GPR89A: variants seen among roughly 807,000 people sequenced by gnomAD.
GPR89A encodes golgi pH regulator A.
Under a neutral mutation model 52.0 loss-of-function variants are expected in GPR89A, and 16 were observed. The observed-to-expected ratio is 0.31, with a 90% CI of 0.21 to 0.47. GPR89A has a LOEUF of 0.47. Among genes scored for constraint, GPR89A ranks in the 20% least tolerant of loss-of-function variants. The pLI, the probability that GPR89A is intolerant of heterozygous loss-of-function variation, is 1.00. For synonymous variants in GPR89A, 55 were observed against 150.9 expected (o/e 0.36, Z 4.66); for missense variants, 135 against 449.4 (o/e 0.30, Z 6.33).
chr1:145,659,849 A>G (rs1199567940), intron 10 of GPR89A, among the ~76,000 whole-genome samples: 6 of 138,618 alleles, frequency 4.3e-5, no homozygotes, highest in Non-Finnish European at 7.7e-5. Flanking sequence ...TTGAATCTAT[A>G]AATTACCTTG....
intron 10 of GPR89A, among the ~76,000 whole-genome samples, chr1:145,648,650 T>A (rs1351348021): frequency 6.6e-6 from 1 of 151,740 alleles, no homozygotes; most frequent in East Asian, 1.9e-4. Flanking sequence ...CAGCTAACTT[T>A]TTTGTATTTC....
chr1:145,667,684 C>A (rs61813308), intron 12 of GPR89A, among the ~76,000 whole-genome samples: 1 of 152,138 alleles, frequency 6.6e-6, no homozygotes, highest in Non-Finnish European at 1.5e-5. Context: ...AGGTTTTCTT[C>A]TAGGGTTTTT....
rs1158891392 is a variant in GPR89A at position 145,608,016 on chromosome 1, C to A, written c.-118C>A. Reference sequence around the variant, plus strand: ...GCTTGATGGCGTCGGGCTGGAGAGCCGCAGTCCCGGCTGCAGCACCTGGGA... The same window carrying A: ...GCTTGATGGCGTCGGGCTGGAGAGCAGCAGTCCCGGCTGCAGCACCTGGGA... On this transcript the variant is annotated 5_prime_UTR_variant, in exon 1 of 14. Coordinates refer to ENST00000313835, the MANE Select transcript of GPR89A (RefSeq NM_001097612.2). 8.4e-7 allele frequency: 1 copy of A among 1,196,760 alleles called. No individual in the cohort carries two copies. Among genetic ancestry groups the A allele is most frequent in the Non-Finnish European group, 1.2e-6 (1 of 836,406 alleles). 74.1% of individuals were successfully genotyped at this position (1,196,760 alleles called of 1,614,324 possible). A position where few individuals can be genotyped will look rare whatever the true frequency, so the allele number is the denominator to read the frequency against.
chr1:145,616,529 A>G (rs1441382785), intron 2 of GPR89A, among the ~76,000 whole-genome samples: 3 of 152,228 alleles, frequency 2.0e-5, no homozygotes, highest in South Asian at 4.2e-4. Context: ...TAGTCATATC[A>G]GGATATGTAC....
Position 145,635,049 on chromosome 1 carries a change from C to T in GPR89A, c.617+3305C>T, listed in dbSNP as rs1650129738. Among the ~76,000 whole-genome samples, 3 of 152,328 alleles carry T rather than the reference C, an allele frequency of 2.0e-5. No homozygotes were observed. In the South Asian group the frequency reaches 6.2e-4, roughly 32 times the overall value. ...GTATTTTCACATTTCATATTTCCTCCTTCAACACTTTTCTGTAGTAAGACC... is the reference window on the plus strand; with the variant it reads ...GTATTTTCACATTTCATATTTCCTCTTTCAACACTTTTCTGTAGTAAGACC... On this transcript the variant is annotated intron_variant, in intron 7 of 13. Transcript: ENST00000313835.
chr1:145,617,864 T>C (rs1411877316), intron 2 of GPR89A, among the ~76,000 whole-genome samples: 1 of 152,120 alleles, frequency 6.6e-6, no homozygotes, highest in Non-Finnish European at 1.5e-5. Flanking sequence ...TCCATTAAAC[T>C]TTCCCAGGGA....
intron 10 of GPR89A, among the ~76,000 whole-genome samples, chr1:145,648,640 C>T (rs1651220011): frequency 6.6e-6 from 1 of 151,812 alleles, no homozygotes; most frequent in African/African-American, 2.4e-5. Context: ...CCACCACGCC[C>T]AGCTAACTTT....
intron 1 of GPR89A, chr1:145,608,392 C>G (rs1553685430): frequency 2.2e-6 from 2 of 893,054 alleles, no homozygotes; most frequent in Non-Finnish European, 1.7e-6. Context: ...GCGTCCCCAC[C>G]CGGCATCCAT....
At chr1:145,609,436 T>C (rs1224310380) in intron 1 of GPR89A, among the ~76,000 whole-genome samples, 3 of 152,222 alleles carry the variant, frequency 2.0e-5, no homozygotes, top group Non-Finnish European at 4.4e-5. Context: ...TTCATAAGTA[T>C]TGTTTTTATT....
At chr1:145,640,788 A>G (rs1381635296) in intron 7 of GPR89A, among the ~76,000 whole-genome samples, 1 of 141,626 alleles carries the variant, frequency 7.1e-6, no homozygotes, top group African/African-American at 2.7e-5. Context: ...AGAAAGCACT[A>G]GTATCTAGAA....
rs587747392 is a variant in GPR89A at position 145,629,561 on chromosome 1, A to G, written c.416-1126A>G. ...TAGGACTGGAGACCATACATTTGTA[A>G]TGGCTCCAAAATCAGTACGCATTCT... On this transcript the variant is annotated intron_variant, in intron 5 of 13. Coordinates refer to ENST00000313835, the MANE Select transcript of GPR89A (RefSeq NM_001097612.2). Among the ~76,000 whole-genome samples, 7 of 152,318 alleles carry G rather than the reference A, an allele frequency of 4.6e-5. No individual in the cohort carries two copies. The South Asian group carries it at 1.2e-3, about 27-fold the overall frequency.
chr1:145,626,351 G>A (rs1649496559), intron 5 of GPR89A, among the ~76,000 whole-genome samples: 2 of 151,942 alleles, frequency 1.3e-5, no homozygotes, highest in Non-Finnish European at 2.9e-5. Flanking sequence ...GAAGATGAAG[G>A]CCATTGTATC....
chr1:145,620,815 T>C (rs1553688003), intron 3 of GPR89A, among the ~76,000 whole-genome samples: 1 of 152,200 alleles, frequency 6.6e-6, no homozygotes, highest in East Asian at 1.9e-4. Context: ...ATGCTTAGTT[T>C]TTTCAAGAGA....
intron 10 of GPR89A, among the ~76,000 whole-genome samples, chr1:145,655,008 T>G (rs1217365946): frequency 1.3e-5 from 2 of 149,824 alleles, no homozygotes; most frequent in Non-Finnish European, 3.0e-5. Context: ...CATTCTTTTT[T>G]CTCTCACCTT....
intron 7 of GPR89A, among the ~76,000 whole-genome samples, chr1:145,636,032 G>A (rs1650217926): frequency 1.3e-5 from 2 of 151,826 alleles, no homozygotes; most frequent in South Asian, 4.2e-4. Context: ...TACTAATAGT[G>A]CTAAGGAATT....
chr1:145,619,317 G>A (rs587731485), intron 3 of GPR89A, among the ~76,000 whole-genome samples: 147,876 of 149,262 alleles, frequency 0.99, 73,247 homozygotes, highest in East Asian at 1. Context: ...AAAAAAAAAA[G>A]AAGAGAGAGG....
chr1:145,632,970 T>C (rs2101775002), intron 7 of GPR89A, among the ~76,000 whole-genome samples: 1 of 151,754 alleles, frequency 6.6e-6, no homozygotes, highest in East Asian at 1.9e-4. Flanking sequence ...TCTCATTGTG[T>C]CTTAGTTTGC....
chr1:145,610,030 T>C (rs1202276626), intron 1 of GPR89A, among the ~76,000 whole-genome samples: 5 of 152,196 alleles, frequency 3.3e-5, no homozygotes, highest in Non-Finnish European at 7.3e-5. Flanking sequence ...CATTTGTATA[T>C]TCATGTGTTT....
chr1:145,667,726 TCCA>T (rs1652671942), intron 12 of GPR89A, among the ~76,000 whole-genome samples: 1 of 152,174 alleles, frequency 6.6e-6, no homozygotes, highest in Non-Finnish European at 1.5e-5. Flanking sequence ...AAGTCTTTAA[TCCA>T]TCTTGAATTA....
Sources: gnomAD v4.1 joint callset for allele counts (sites outside exome capture counted in the v4.1 genomes callset) on GRCh38, gnomAD v4.1.1 for gene constraint, MANE v1.5 for transcripts, NCBI Gene and HGNC (gene_info 2026-07-23, HGNC 2026-07-21) for gene names.